The following WDR88 variants were observed in gnomAD, a reference collection of about 807,000 sequenced individuals.
The protein encoded by WDR88 is WD repeat-containing protein 88.
Under a neutral mutation model 46.8 loss-of-function variants are expected in WDR88, and 40 were observed. That is an observed-to-expected ratio of 0.86 (90% CI 0.66 to 1.11). The LOEUF (loss-of-function observed/expected upper bound fraction) is 1.11. WDR88 is among the 50% of genes most tolerant of loss of function. The pLI is 0.00. For synonymous variants in WDR88, 235 were observed against 240.7 expected (o/e 0.98, Z 0.22); for missense variants, 562 against 602.4 (o/e 0.93, Z 0.70).
intron 2 of WDR88, among the ~76,000 whole-genome samples, chr19:33,140,216 G>A (rs1426973371): frequency 1.3e-5 from 2 of 152,110 alleles, no homozygotes; most frequent in African/African-American, 4.8e-5. Flanking sequence ...GTGCAGTGGT[G>A]CAATTACGGC....
In WDR88 at chr19:33,160,460, G is replaced by T; in HGVS notation, c.1044G>T (p.Trp348Cys). 1 of 1,614,164 alleles carries T rather than the reference G, an allele frequency of 6.2e-7. No individual in the cohort carries two copies. Among genetic ancestry groups the T allele is most frequent in the South Asian group, 1.1e-5 (1 of 91,082 alleles). ...SGGFDRTVAI[W>C]DVAEGYRKLS... ...GGTTTGATAGGACTGTGGCTATTTG[G>T]GATGTAGCAGAAGGCTACCGGAAGC... Residue 348 changes from tryptophan (W) to cysteine (C), a missense_variant, in exon 8 of 11, where the codon TGG (tryptophan) becomes TGT (cysteine). By Grantham distance (215) the Trp-to-Cys change is radical. Coordinates refer to ENST00000355868, the MANE Select transcript of WDR88 (RefSeq NM_173479.4).
At chr19:33,153,901 G>A (rs1159062498) in intron 6 of WDR88, among the ~76,000 whole-genome samples, 1 of 152,126 alleles carries the variant, frequency 6.6e-6, no homozygotes, top group East Asian at 1.9e-4. Flanking sequence ...TTAGTTTTCT[G>A]AAGTGTAATT....
Position 33,175,723 on chromosome 19 carries a change from GC to G in WDR88, c.*153del. 2.6e-6 allele frequency: 2 copies of G among 782,968 alleles called. No individual in the cohort carries two copies. Among genetic ancestry groups the G allele is most frequent in the Non-Finnish European group, 2.0e-6 (1 of 490,432 alleles). 48.5% of individuals were successfully genotyped at this position (782,968 alleles called of 1,614,324 possible). Reference sequence around the variant, plus strand: ...AAGCCCTGGCTGGACTCAGCACAGTGCCACCTCCTCAGCTCTCAGCTTGGGG... The same window carrying G: ...AAGCCCTGGCTGGACTCAGCACAGTGCACCTCCTCAGCTCTCAGCTTGGGG... On this transcript the variant is annotated 3_prime_UTR_variant, in exon 11 of 11. Coordinates refer to ENST00000355868, the MANE Select transcript of WDR88 (RefSeq NM_173479.4).
chr19:33,164,094 C>A, intron 8 of WDR88, 103 bp from the exon 9 acceptor site: 1 of 1,121,508 alleles, frequency 8.9e-7, no homozygotes, highest in Non-Finnish European at 1.3e-6. Flanking sequence ...CTCGGCTTCC[C>A]AAAAGGCAGG....
In WDR88 at chr19:33,174,361, G is replaced by A. The variant is rs1025212120; in HGVS notation, c.1243-1035G>A. On this transcript the variant is annotated intron_variant, in intron 10 of 10. Coordinates refer to ENST00000355868, the MANE Select transcript of WDR88 (RefSeq NM_173479.4). ...GGAGTGGGCAGAACAGCAAAGCCCA[G>A]GGGCTGGGAGAGCCAGGGCAGGGGC... 5 of 1,438,782 alleles carry A rather than the reference G, an allele frequency of 3.5e-6. No homozygotes were observed. In the Admixed American group the frequency reaches 1.4e-4, roughly 39 times the overall value. 89.1% of individuals were successfully genotyped at this position (1,438,782 alleles called of 1,614,324 possible). A position where few individuals can be genotyped will look rare whatever the true frequency, so the allele number is the denominator to read the frequency against.
intron 2 of WDR88, among the ~76,000 whole-genome samples, chr19:33,143,577 A>G (rs1973446983): frequency 6.6e-6 from 1 of 151,170 alleles, no homozygotes; most frequent in Non-Finnish European, 1.5e-5. Context: ...CCAGGAGGCC[A>G]AGGGGTGCAG....
At position 33,132,145 on chromosome 19, in the gene WDR88, G is replaced by A. The variant is rs774443814; in HGVS notation, c.-25G>A. On this transcript the variant is annotated 5_prime_UTR_variant, in exon 1 of 11. Transcript: ENST00000355868. ...ACCGTTCCCATCCAGGCTTGTCGGC[G>A]GCCACCGGCGGACCGGGCTTCGAGA... 1.3e-6 allele frequency: 2 copies of A among 1,564,124 alleles called. No homozygotes were observed. Among genetic ancestry groups the A allele is most frequent in the East Asian group, 2.3e-5 (1 of 43,156 alleles).
chr19:33,137,557 T>A, intron 1 of WDR88, 120 bp from the exon 2 acceptor site: 2 of 929,788 alleles, frequency 2.2e-6, no homozygotes, highest in Non-Finnish European at 3.2e-6. Flanking sequence ...TGGCCAGAAT[T>A]TTTTAAATTC....
At chr19:33,157,513 G>GTA (rs1175701911) in intron 7 of WDR88, among the ~76,000 whole-genome samples, 2 of 92,742 alleles carry the variant, frequency 2.2e-5, no homozygotes. Flanking sequence ...ATATATATAT[G>GTA]TATATATATG....
chr19:33,173,091 C>CAAA (rs60495323), intron 10 of WDR88, among the ~76,000 whole-genome samples: 20 of 57,284 alleles, frequency 3.5e-4, no homozygotes, highest in African/African-American at 9.6e-4. Flanking sequence ...GACTCTGTCT[C>CAAA]AAAAAAAAAA....
chr19:33,167,341 C>A (rs1973969104), intron 9 of WDR88, among the ~76,000 whole-genome samples: 1 of 151,924 alleles, frequency 6.6e-6, no homozygotes. Context: ...ACAGAAAAGG[C>A]ATTTGAAAAA....
chr19:33,146,994 C>T (rs3992051), intron 3 of WDR88, among the ~76,000 whole-genome samples: 83,869 of 150,606 alleles, frequency 0.56, 27,388 homozygotes, highest in African/African-American at 0.89. Flanking sequence ...TTCCAGTACT[C>T]TGGGAGGCTG....
chr19:33,166,808 C>T (rs1174891475), intron 9 of WDR88, among the ~76,000 whole-genome samples: 1 of 147,988 alleles, frequency 6.8e-6, no homozygotes, highest in Admixed American at 6.8e-5. Context: ...GCTACTCACT[C>T]AGGAGGCTGA....
rs1973139381 is a variant in WDR88 at position 33,132,209 on chromosome 19, A to G, written c.40A>G (p.Arg14Gly). ...PPRCSPTAHD[R>G]ECKLPPPSAP... is the part of the protein sequence containing the mutation. The stretch of plus-strand genomic sequence containing the variant: ...GCGGTGCTCCCCGACAGCCCATGAC[A>G]GGGAATGCAAGTTGCCGCCACCCTC... The change falls in exon 1 of 11, where the codon AGG becomes GGG. Residue 14 changes from arginine to glycine, a missense_variant. Coordinates refer to ENST00000355868, the MANE Select transcript of WDR88 (RefSeq NM_173479.4). The G allele has an allele frequency of 1.2e-6, 2 of 1,608,136 alleles. No individual in the cohort carries two copies. Among genetic ancestry groups the G allele is most frequent in the South Asian group, 2.2e-5 (2 of 91,052 alleles).
intron 2 of WDR88, among the ~76,000 whole-genome samples, chr19:33,138,408 C>T (rs1317934390): frequency 4.6e-5 from 7 of 152,088 alleles, no homozygotes; most frequent in African/African-American, 1.4e-4. Flanking sequence ...AGTGCAATGG[C>T]GTGATCTCAG....
At chr19:33,159,106 G>C (rs944821016) in intron 7 of WDR88, among the ~76,000 whole-genome samples, 1 of 151,556 alleles carries the variant, frequency 6.6e-6, no homozygotes, top group Non-Finnish European at 1.5e-5. Context: ...TGAGGCGGGA[G>C]TATTGCTTGA....
At chr19:33,147,485 C>T (rs1347494240) in intron 3 of WDR88, among the ~76,000 whole-genome samples, 160 bp from the exon 4 acceptor site, 1 of 152,140 alleles carries the variant, frequency 6.6e-6, no homozygotes, top group Non-Finnish European at 1.5e-5. Context: ...CGCCTGTAAT[C>T]TCAGCTACTC....
chr19:33,168,215 A>G (rs1270369355), intron 9 of WDR88, among the ~76,000 whole-genome samples: 1 of 151,316 alleles, frequency 6.6e-6, no homozygotes, highest in Non-Finnish European at 1.5e-5. Flanking sequence ...TTTACTAGAG[A>G]TGGGGTTTCA....
At chr19:33,138,032 C>T (rs957986008) in intron 2 of WDR88, among the ~76,000 whole-genome samples, 11 of 151,640 alleles carry the variant, frequency 7.3e-5, no homozygotes, top group African/African-American at 2.7e-4. Context: ...ACTGAGAGTG[C>T]CACACATTTT....
Sources: allele counts gnomAD v4.1 joint callset (sites outside exome capture counted in the v4.1 genomes callset), GRCh38; gene constraint gnomAD v4.1.1; transcripts MANE v1.5; gene names NCBI Gene and HGNC (gene_info 2026-07-23, HGNC 2026-07-21).